The following SCN8A variants were observed in gnomAD, a reference collection of about 807,000 sequenced individuals.
SCN8A encodes the protein sodium voltage-gated channel alpha subunit 8, also known as sodium channel protein type 8 subunit alpha.
A neutral mutation model predicts 184.1 loss-of-function variants in SCN8A; 30 were observed. The ratio of observed to expected loss-of-function variants is 0.16; its 90% CI spans 0.12 to 0.22. The LOEUF (loss-of-function observed/expected upper bound fraction) is 0.22, where lower values mean the gene tolerates loss of function less well. Ranked by LOEUF, SCN8A falls within the 10% of genes least tolerant of loss-of-function variation. The probability of loss-of-function intolerance (pLI) is 1.00; values close to 1 mark genes in which losing one functional copy is unlikely to be tolerated. For missense variants in SCN8A, 1,057 were observed against 2,498.9 expected, an observed-to-expected ratio of 0.42 and a Z score of 12.30; for synonymous variants, 852 against 907.0, an observed-to-expected ratio of 0.94 and a Z score of 1.09.
chr12:51,760,361 A>G (rs974353244), intron 14 of SCN8A, among the ~76,000 whole-genome samples: 2 of 152,210 alleles, frequency 1.3e-5, no homozygotes, highest in African/African-American at 2.4e-5. Flanking sequence ...TTGAAGCAAC[A>G]TGGTGGCTGA....
intron 6 of SCN8A, among the ~76,000 whole-genome samples, chr12:51,690,703 G>T (rs1244526697): frequency 6.6e-6 from 1 of 152,128 alleles, no homozygotes; most frequent in Admixed American, 6.5e-5. Context: ...TATCTCAATA[G>T]CAGATAGAGA....
chr12:51,603,611 A>G (rs1000652355), intron 1 of SCN8A, among the ~76,000 whole-genome samples: 7 of 152,210 alleles, frequency 4.6e-5, no homozygotes, highest in African/African-American at 1.7e-4. Context: ...GCAACTAACA[A>G]CTGTTTTTCA....
intron 2 of SCN8A, among the ~76,000 whole-genome samples, chr12:51,683,217 G>T (rs768264480): frequency 3.3e-5 from 5 of 152,150 alleles, no homozygotes; most frequent in Non-Finnish European, 7.4e-5. Context: ...ATTCAGTGTT[G>T]TGTCCTGGTA....
At chr12:51,775,161 A>G (rs995612294) in intron 20 of SCN8A, among the ~76,000 whole-genome samples, 3 of 152,218 alleles carry the variant, frequency 2.0e-5, no homozygotes, top group Non-Finnish European at 4.4e-5. Flanking sequence ...GAAAGGATGA[A>G]TGGGATTTGT....
intron 22 of SCN8A, 142 bp from the exon 23 acceptor site, chr12:51,788,553 A>C (rs1938154322): frequency 2.1e-6 from 1 of 466,632 alleles, no homozygotes; most frequent in South Asian, 8.0e-5. Flanking sequence ...TAACAAACAG[A>C]AAATTCTGTG....
At chr12:51,671,572 G>A (rs1332782808) in intron 2 of SCN8A, among the ~76,000 whole-genome samples, 2 of 152,150 alleles carry the variant, frequency 1.3e-5, no homozygotes, top group African/African-American at 4.8e-5. Flanking sequence ...CCTGTGGAAT[G>A]GGACTATTTA....
At chr12:51,745,192 A>G (rs1272825249) in intron 12 of SCN8A, among the ~76,000 whole-genome samples, 2 of 152,230 alleles carry the variant, frequency 1.3e-5, no homozygotes, top group African/African-American at 4.8e-5. Flanking sequence ...ATCTGATTAT[A>G]CTTTCTGCCA....
At chr12:51,745,320 A>G (rs1753485785) in intron 12 of SCN8A, among the ~76,000 whole-genome samples, 1 of 152,208 alleles carries the variant, frequency 6.6e-6, no homozygotes, top group Non-Finnish European at 1.5e-5. Context: ...CTTTCTTACA[A>G]TGGCTTGTAG....
chr12:51,777,542 G>T (rs7966983), intron 20 of SCN8A, among the ~76,000 whole-genome samples: 14,834 of 152,092 alleles, frequency 0.098, 1,137 homozygotes, highest in East Asian at 0.42. Context: ...TCTCCAGGAG[G>T]GGCTTAACAG....
chr12:51,665,234 G>A (rs186361251), intron 2 of SCN8A, among the ~76,000 whole-genome samples: 1 of 152,306 alleles, frequency 6.6e-6, no homozygotes, highest in African/African-American at 2.4e-5. Context: ...TGGCTTGAGA[G>A]TGGGGACTTA....
chr12:51,770,395 AC>A, intron 18 of SCN8A, 133 bp from the exon 19 acceptor site: 8 of 1,011,510 alleles, frequency 7.9e-6, no homozygotes, highest in Non-Finnish European at 1.1e-5. Context: ...TCTGAATCAG[AC>A]ATTCTGATTC....
At chr12:51,802,820 C>T (rs1938592575) in intron 26 of SCN8A, among the ~76,000 whole-genome samples, 1 of 151,608 alleles carries the variant, frequency 6.6e-6, no homozygotes, top group Non-Finnish European at 1.5e-5. Flanking sequence ...TTTTGCATAA[C>T]TCTCTAAACA....
chr12:51,739,595 A>G (rs1942384696), intron 12 of SCN8A, among the ~76,000 whole-genome samples: 2 of 152,142 alleles, frequency 1.3e-5, no homozygotes, highest in South Asian at 4.2e-4. Flanking sequence ...ACCAGACCCC[A>G]TCCCTGTCCC....
Position 51,762,674 on chromosome 12 carries a change from T to C in SCN8A, c.2542T>C (p.Leu848=), listed in dbSNP as rs760438554. ...GCTTTCAGTGCTGCGATCTTTCCGA[T>C]TGGTATTCCATATTTCTCCAATTTC... The part of the protein sequence containing the change: ...EGLSVLRSFR[L]LRVFKLAKSW... Residue 848 remains leucine, a splice_region_variant and synonymous_variant, in exon 15 of 27, where the codon TTG becomes CTG. Coordinates refer to ENST00000627620, the MANE Select transcript of SCN8A (RefSeq NM_001330260.2). 1.3e-6 allele frequency: 2 copies of C among 1,582,042 alleles called. No homozygotes were observed. The highest frequency in any genetic ancestry group is 2.4e-5 in the South Asian group (2 of 82,226).
intron 1 of SCN8A, among the ~76,000 whole-genome samples, chr12:51,622,692 G>C (rs182988153): frequency 6.6e-6 from 1 of 152,140 alleles, no homozygotes; most frequent in Admixed American, 6.5e-5. Context: ...TGTTTGCTAG[G>C]TTTCTCACTA....
At chr12:51,607,614 A>G (rs1373835751) in intron 1 of SCN8A, among the ~76,000 whole-genome samples, 1 of 151,936 alleles carries the variant, frequency 6.6e-6, no homozygotes, top group East Asian at 1.9e-4. Context: ...TTGTATGCCG[A>G]TTTTGCTGAG....
intron 16 of SCN8A, among the ~76,000 whole-genome samples, chr12:51,768,567 G>A (rs1434808696): frequency 6.6e-6 from 1 of 152,064 alleles, no homozygotes; most frequent in Non-Finnish European, 1.5e-5. Context: ...TTCCAAAATG[G>A]ATACAGCCTT....
chr12:51,726,804 G>A lies in SCN8A; in HGVS notation c.1998+4896G>A, dbSNP rs144233020. 6.6e-4 allele frequency among the ~76,000 whole-genome samples: 101 copies of A among 152,180 alleles called. 1 individual carries two copies. The highest frequency in any genetic ancestry group is 1.2e-3 in the South Asian group (6 of 4,814). ...ATAGCTCTGAGAAGTAAACAGTACC[G>A]AATTGCTTGACTTGGAGAAGGTGGG... is the stretch of plus-strand genomic sequence containing the variant. On this transcript the variant is annotated intron_variant, in intron 12 of 26. Coordinates refer to ENST00000627620, the MANE Select transcript of SCN8A (RefSeq NM_001330260.2).
intron 2 of SCN8A, among the ~76,000 whole-genome samples, chr12:51,680,246 G>C (rs1049606560): frequency 6.6e-6 from 1 of 152,164 alleles, no homozygotes; most frequent in Non-Finnish European, 1.5e-5. Flanking sequence ...GATGGTAAAT[G>C]AGTTTTATTT....
Sources: gnomAD v4.1 joint callset for allele counts (sites outside exome capture counted in the v4.1 genomes callset) on GRCh38, gnomAD v4.1.1 for gene constraint, MANE v1.5 for transcripts, NCBI Gene and HGNC (gene_info 2026-07-23, HGNC 2026-07-21) for gene names.